The following ARL13B variants were observed in gnomAD, a reference collection of about 807,000 sequenced individuals.
ARL13B encodes ADP-ribosylation factor-like protein 13B.
Under a neutral mutation model 56.1 loss-of-function variants are expected in ARL13B, and 36 were observed. The ratio of observed to expected loss-of-function variants is 0.64; its 90% confidence interval spans 0.49 to 0.85. ARL13B has a LOEUF of 0.85. Among genes scored for constraint, ARL13B ranks in the 40% least tolerant of loss-of-function variants. The pLI is 0.00. For synonymous variants in ARL13B, 178 were observed against 171.1 expected (o/e 1.04, Z -0.32); for missense variants, 519 against 507.1 (o/e 1.02, Z -0.23).
rs750088247 is a variant in ARL13B, at chr3:94,015,001, CTCTTAAGTAGACTAAACCT to C, written c.380+11097_380+11115del. 16 of 1,613,962 alleles carry C rather than the reference CTCTTAAGTAGACTAAACCT, an allele frequency of 9.9e-6. No homozygotes were observed. The African/African-American group carries it at 1.7e-4, about 17-fold the overall frequency. On this transcript the variant is annotated intron_variant, in intron 3 of 9. Coordinates refer to ENST00000394222, the MANE Select transcript of ARL13B (RefSeq NM_001174150.2). ...TATCTCCTTTGTAATGGTAGACTCTCTCTTAAGTAGACTAAACCTTCTCATTGAAGCCACCAGACTTTTC... is the reference window on the plus strand; with the variant it reads ...TATCTCCTTTGTAATGGTAGACTCTCTCTCATTGAAGCCACCAGACTTTTC...
At chr3:94,051,019 T>C (rs2077058712) in intron 9 of ARL13B, 127 bp downstream of exon 9, 3 of 747,216 alleles carry the variant, frequency 4.0e-6, no homozygotes, top group Non-Finnish European at 6.5e-6. Flanking sequence ...CTATCCTTTT[T>C]CATTATACGT....
chr3:94,050,749 A>G, intron 8 of ARL13B, 75 bp from the exon 9 acceptor site: 1 of 1,244,264 alleles, frequency 8.0e-7, no homozygotes, highest in South Asian at 1.2e-5. Flanking sequence ...CTTCCTTTCC[A>G]GGGAGGGATC....
intron 4 of ARL13B, among the ~76,000 whole-genome samples, chr3:94,036,211 A>G (rs1186898294): frequency 1.3e-5 from 2 of 152,224 alleles, no homozygotes; most frequent in African/African-American, 4.8e-5. Flanking sequence ...TTACTGCTGT[A>G]TATTGTAGTA....
At chr3:94,024,136 T>C (rs2076506709) in intron 3 of ARL13B, among the ~76,000 whole-genome samples, 2 of 152,232 alleles carry the variant, frequency 1.3e-5, no homozygotes, top group South Asian at 4.1e-4. Context: ...AAAAATTAAT[T>C]AATTAATCAA....
At chr3:94,020,589 A>G (rs1459730937) in intron 3 of ARL13B, among the ~76,000 whole-genome samples, 1 of 152,226 alleles carries the variant, frequency 6.6e-6, no homozygotes, top group Non-Finnish European at 1.5e-5. Flanking sequence ...GAAAAGAGCC[A>G]GATCACAAGG....
intron 1 of ARL13B, among the ~76,000 whole-genome samples, chr3:93,993,138 A>T (rs1196781321): frequency 6.7e-6 from 1 of 149,544 alleles, no homozygotes; most frequent in Non-Finnish European, 1.5e-5. Flanking sequence ...ATTTTATTTT[A>T]TTTTTGAGAT....
chr3:93,987,860 T>C (rs2107340398), intron 1 of ARL13B, among the ~76,000 whole-genome samples: 2 of 151,926 alleles, frequency 1.3e-5, no homozygotes, highest in East Asian at 3.9e-4. Context: ...TGACCAGGCA[T>C]GTCTCAATCT....
intron 3 of ARL13B, among the ~76,000 whole-genome samples, chr3:94,018,208 T>C (rs1304674991): frequency 6.6e-6 from 1 of 152,004 alleles, no homozygotes; most frequent in Non-Finnish European, 1.5e-5. Context: ...CTGATTTATA[T>C]TTTTAAAAGA....
chr3:94,031,103 G>C (rs966772269), intron 3 of ARL13B, among the ~76,000 whole-genome samples: 1 of 152,128 alleles, frequency 6.6e-6, no homozygotes, highest in African/African-American at 2.4e-5. Context: ...GAGGTGGGAG[G>C]ATGGCTCAAG....
At position 94,035,447 on chromosome 3, in the gene ARL13B, T is replaced by G. The variant is rs367759389; in HGVS notation, c.486+11T>G. 70 of 1,545,202 alleles carry G rather than the reference T, an allele frequency of 4.5e-5. No individual in the cohort carries two copies. Among genetic ancestry groups the G allele is most frequent in the Middle Eastern group, 1.9e-4 (1 of 5,342 alleles). ...TGCCTGTGTCAGATAGTAAGGTTTT[T>G]TTTTTTTTTTTAATTTTAATTTTTT... On this transcript the variant is annotated intron_variant, in intron 4 of 9. Transcript: ENST00000394222.
chr3:94,051,393 A>G (rs1425127806), intron 9 of ARL13B, among the ~76,000 whole-genome samples: 2 of 152,112 alleles, frequency 1.3e-5, no homozygotes, highest in African/African-American at 4.8e-5. Flanking sequence ...TAAACCTAAT[A>G]AAGTTCGACT....
intron 7 of ARL13B, among the ~76,000 whole-genome samples, chr3:94,046,559 A>T (rs2076987806): frequency 6.6e-6 from 1 of 152,138 alleles, no homozygotes; most frequent in African/African-American, 2.4e-5. Context: ...CATGTACCGT[A>T]CTTTGCTTAT....
chr3:93,998,883 C>G (rs2107402704), intron 2 of ARL13B, among the ~76,000 whole-genome samples: 1 of 150,296 alleles, frequency 6.7e-6, no homozygotes, highest in African/African-American at 2.4e-5. Flanking sequence ...ATGGCTCCTA[C>G]TTTTCTACTT....
chr3:93,996,210 T>C (rs2075963001), intron 2 of ARL13B, among the ~76,000 whole-genome samples: 1 of 152,194 alleles, frequency 6.6e-6, no homozygotes, highest in South Asian at 2.1e-4. Context: ...ATCTGTATTC[T>C]AGACAATAGG....
At chr3:94,021,959 A>G (rs983248155) in intron 3 of ARL13B, among the ~76,000 whole-genome samples, 1 of 152,016 alleles carries the variant, frequency 6.6e-6, no homozygotes, top group Non-Finnish European at 1.5e-5. Flanking sequence ...TTCTAAAGAT[A>G]TATATCTGAC....
intron 7 of ARL13B, among the ~76,000 whole-genome samples, chr3:94,047,641 T>C (rs2077003221): frequency 6.6e-6 from 1 of 152,106 alleles, no homozygotes; most frequent in Non-Finnish European, 1.5e-5. Flanking sequence ...CTTGAAGAGG[T>C]TGAGTAACTT....
intron 3 of ARL13B, among the ~76,000 whole-genome samples, chr3:94,025,788 A>G (rs1236306877): frequency 6.6e-6 from 1 of 152,176 alleles, no homozygotes; most frequent in Non-Finnish European, 1.5e-5. Flanking sequence ...ACTTCCTGCT[A>G]TAATCCTGGG....
At chr3:93,993,965 C>G (rs1259446302) in intron 1 of ARL13B, among the ~76,000 whole-genome samples, 2 of 152,144 alleles carry the variant, frequency 1.3e-5, no homozygotes, top group Non-Finnish European at 2.9e-5. Context: ...TGTGATTTAC[C>G]TTATTCTTGC....
At chr3:94,026,227 G>A (rs1416702509) in intron 3 of ARL13B, among the ~76,000 whole-genome samples, 4 of 152,134 alleles carry the variant, frequency 2.6e-5, no homozygotes, top group Admixed American at 6.5e-5. Flanking sequence ...CACCGTGTGA[G>A]CCAGGAGAAA....
Sources: gnomAD v4.1 joint callset for allele counts (sites outside exome capture counted in the v4.1 genomes callset) on GRCh38, gnomAD v4.1.1 for gene constraint, MANE v1.5 for transcripts, NCBI Gene and HGNC (gene_info 2026-07-23, HGNC 2026-07-21) for gene names.